The following IGF2BP3 variants were observed in gnomAD, a reference collection of about 807,000 sequenced individuals.
IGF2BP3 encodes insulin like growth factor 2 mRNA binding protein 3.
IGF2BP3 carries 9 observed loss-of-function variants against 73.8 expected under a neutral mutation model. The observed-to-expected ratio is 0.12, with a 90% confidence interval of 0.07 to 0.21. The LOEUF is 0.21. Ranked by LOEUF, IGF2BP3 falls within the 10% of genes least tolerant of loss-of-function variation. IGF2BP3 has a pLI of 1.00. For synonymous variants in IGF2BP3, 258 were observed against 256.7 expected, an observed-to-expected ratio of 1.01 and a Z score of -0.05; for missense variants, 542 against 714.0, an observed-to-expected ratio of 0.76 and a Z score of 2.75.
chr7:23,386,991 T>C lies in IGF2BP3; in HGVS notation c.286-25250A>G, dbSNP rs150231297. On this transcript the variant is annotated intron_variant, in intron 3 of 14. Transcript: ENST00000258729. ...CTGAGGCAGGAGAATTGCTTGAACC[T>C]GGGAGGTGGAGGTTGCAGTGAGCAG... is the stretch of plus-strand genomic sequence containing the variant. Among the ~76,000 whole-genome samples the C allele has an allele frequency of 2.2e-3, 335 of 150,528 alleles. 3 individuals are homozygous for C. The highest frequency in any genetic ancestry group is 7.8e-3 in the African/African-American group (321 of 40,912).
intron 2 of IGF2BP3, among the ~76,000 whole-genome samples, chr7:23,455,181 G>A (rs1274192907): frequency 6.6e-6 from 1 of 152,192 alleles, no homozygotes; most frequent in Non-Finnish European, 1.5e-5. Context: ...AGCTCCTAAA[G>A]TCAAACACAT....
chr7:23,378,077 G>C lies in IGF2BP3; in HGVS notation c.286-16336C>G, dbSNP rs111493298. On this transcript the variant is annotated intron_variant, in intron 3 of 14. Transcript: ENST00000258729. ...TATACTAAAAACCACTGAATTGTAT[G>C]CTTCAGAAAGGTGAATTTTATGACA... Among the ~76,000 whole-genome samples the C allele has an allele frequency of 1.3e-3, 191 of 152,204 alleles. 1 individual carries two copies. Among genetic ancestry groups the C allele is most frequent in the African/African-American group, 4.3e-3 (180 of 41,546 alleles).
intron 10 of IGF2BP3, among the ~76,000 whole-genome samples, chr7:23,326,285 A>G (rs1393153606): frequency 2.6e-5 from 4 of 152,218 alleles, no homozygotes; most frequent in Non-Finnish European, 4.4e-5. Context: ...TCAAAAGAAG[A>G]CATTTATGCA....
intron 9 of IGF2BP3, 24 bp downstream of exon 9, chr7:23,343,694 C>T: frequency 2.5e-6 from 4 of 1,592,008 alleles, no homozygotes; most frequent in Non-Finnish European, 3.4e-6. Flanking sequence ...AAAATAAAGA[C>T]ATGCCCTTCA....
chr7:23,454,118 T>G (rs534100569), intron 2 of IGF2BP3, among the ~76,000 whole-genome samples: 2 of 152,172 alleles, frequency 1.3e-5, no homozygotes, highest in Non-Finnish European at 2.9e-5. Context: ...CCAGCCTAGA[T>G]TGGATATCTT....
At chr7:23,313,859 C>A (rs1159034830) in intron 12 of IGF2BP3, among the ~76,000 whole-genome samples, 4 of 152,190 alleles carry the variant, frequency 2.6e-5, no homozygotes, top group African/African-American at 7.2e-5. Context: ...GTAGAGGCAA[C>A]TGAATGCTTG....
At chr7:23,372,986 C>T (rs550496238) in intron 3 of IGF2BP3, among the ~76,000 whole-genome samples, 56 of 152,294 alleles carry the variant, frequency 3.7e-4, no homozygotes, top group African/African-American at 1.1e-3. Flanking sequence ...AGAGCCCATA[C>T]TCTTAATCAC....
At position 23,347,354 on chromosome 7, in the gene IGF2BP3, G is replaced by A. The variant is rs148993532; in HGVS notation, c.818+246C>T. 2.5e-3 allele frequency among the ~76,000 whole-genome samples: 376 copies of A among 152,210 alleles called. 3 individuals are homozygous for A. Among genetic ancestry groups the A allele is most frequent in the African/African-American group, 8.6e-3 (357 of 41,526 alleles). Reference sequence around the variant, plus strand: ...CTCCTGGTCCTAGGTTCCCCAAGTTGCCTTCTTCTATAGCTGCATTTCTCT... The same window carrying A: ...CTCCTGGTCCTAGGTTCCCCAAGTTACCTTCTTCTATAGCTGCATTTCTCT... On this transcript the variant is annotated intron_variant, in intron 7 of 14. Coordinates refer to ENST00000258729, the MANE Select transcript of IGF2BP3 (RefSeq NM_006547.3).
At chr7:23,410,458 T>G (rs12700437) in intron 3 of IGF2BP3, among the ~76,000 whole-genome samples, 13 of 151,828 alleles carry the variant, frequency 8.6e-5, no homozygotes, top group African/African-American at 3.1e-4. Flanking sequence ...ACAAAGGACA[T>G]GGGGTAAACA....
At chr7:23,332,752 T>G (rs147830198) in intron 10 of IGF2BP3, among the ~76,000 whole-genome samples, 2 of 152,358 alleles carry the variant, frequency 1.3e-5, no homozygotes, top group African/African-American at 2.4e-5. Flanking sequence ...ATTTTATAAC[T>G]GGATAGACCA....
intron 3 of IGF2BP3, among the ~76,000 whole-genome samples, chr7:23,384,444 G>T (rs1052676524): frequency 6.6e-6 from 1 of 151,998 alleles, no homozygotes; most frequent in African/African-American, 2.4e-5. Context: ...TGAATTGTAT[G>T]GTATTTAAAT....
At chr7:23,467,385 C>G (rs1788588377) in intron 2 of IGF2BP3, among the ~76,000 whole-genome samples, 2 of 152,220 alleles carry the variant, frequency 1.3e-5, no homozygotes, top group Admixed American at 6.5e-5. Flanking sequence ...CAGATACACG[C>G]AGCCCTGATT....
At position 23,465,416 on chromosome 7, in the gene IGF2BP3, A is replaced by G. The variant is rs575365242; in HGVS notation, c.236+3066T>C. ...CTATAATCTTCCCCAACTGAGGGGT[A>G]TCTGAATGCAGAAAAGCCACATTCC... On this transcript the variant is annotated intron_variant, in intron 2 of 14. Coordinates refer to ENST00000258729, the MANE Select transcript of IGF2BP3 (RefSeq NM_006547.3). Among the ~76,000 whole-genome samples the G allele has an allele frequency of 2.6e-5, 4 of 152,334 alleles. 1 individual carries two copies. The South Asian group carries it at 8.3e-4, about 32-fold the overall frequency.
intron 2 of IGF2BP3, among the ~76,000 whole-genome samples, chr7:23,434,607 T>G (rs925803805): frequency 2.6e-5 from 4 of 152,246 alleles, no homozygotes; most frequent in Non-Finnish European, 5.9e-5. Flanking sequence ...TAAATATTTC[T>G]GCCTGACATT....
At chr7:23,400,991 G>C (rs988133685) in intron 3 of IGF2BP3, among the ~76,000 whole-genome samples, 9 of 152,084 alleles carry the variant, frequency 5.9e-5, no homozygotes, top group African/African-American at 2.2e-4. Context: ...GTAGAGACGG[G>C]GGTTTCACCA....
chr7:23,374,945 T>TC (rs1192041894), intron 3 of IGF2BP3, among the ~76,000 whole-genome samples: 3 of 152,124 alleles, frequency 2.0e-5, no homozygotes, highest in Non-Finnish European at 4.4e-5. Context: ...CTTCAGCCGG[T>TC]CCCCCCGTTC....
At chr7:23,423,908 A>C (rs867723451) in intron 2 of IGF2BP3, among the ~76,000 whole-genome samples, 7 of 151,010 alleles carry the variant, frequency 4.6e-5, no homozygotes, top group African/African-American at 1.7e-4. Context: ...TCACGAGGTC[A>C]GAAGTTCGAG....
intron 2 of IGF2BP3, among the ~76,000 whole-genome samples, chr7:23,429,015 G>C (rs1787599846): frequency 6.6e-6 from 1 of 152,118 alleles, no homozygotes; most frequent in Non-Finnish European, 1.5e-5. Context: ...TCTAGGTTTA[G>C]CTTGTATGTT....
chr7:23,398,579 T>C (rs1488823127), intron 3 of IGF2BP3, among the ~76,000 whole-genome samples: 2 of 152,230 alleles, frequency 1.3e-5, no homozygotes, highest in Admixed American at 6.5e-5. Context: ...GACCTGTTGC[T>C]TCCTGACTTT....
Sources: gnomAD v4.1 joint callset for allele counts (sites outside exome capture counted in the v4.1 genomes callset) on GRCh38, gnomAD v4.1.1 for gene constraint, MANE v1.5 for transcripts, NCBI Gene and HGNC (gene_info 2026-07-23, HGNC 2026-07-21) for gene names.